The following PTPRD variants were observed in gnomAD, a reference collection of about 807,000 sequenced individuals.
PTPRD encodes the protein receptor-type tyrosine-protein phosphatase delta.
PTPRD carries 34 observed loss-of-function variants against 214.5 expected under a neutral mutation model. That is an observed-to-expected ratio of 0.16 (90% CI 0.12 to 0.21). The LOEUF (loss-of-function observed/expected upper bound fraction) is 0.21, where lower values mean the gene tolerates loss of function less well. Among genes scored for constraint, PTPRD ranks in the 10% least tolerant of loss-of-function variants. The pLI, the probability that PTPRD is intolerant of heterozygous loss-of-function variation, is 1.00. For synonymous variants in PTPRD, 1,128 were observed against 845.7 expected (o/e 1.33, Z -5.79); for missense variants, 2,545 against 2,398.7 (o/e 1.06, Z -1.27).
intron 9 of PTPRD, among the ~76,000 whole-genome samples, chr9:9,196,992 C>T (rs1344433100): frequency 6.6e-6 from 1 of 152,154 alleles, no homozygotes; most frequent in East Asian, 1.9e-4. Context: ...ACTCCCTAAT[C>T]ATGTCTGAGA....
chr9:10,058,529 A>G (rs2097700476), intron 3 of PTPRD, among the ~76,000 whole-genome samples: 1 of 152,012 alleles, frequency 6.6e-6, no homozygotes, highest in Non-Finnish European at 1.5e-5. Context: ...ATTTTGCCTC[A>G]ATTTCTTTCT....
chr9:8,345,005 T>C (rs908049281), intron 39 of PTPRD, among the ~76,000 whole-genome samples: 1 of 151,188 alleles, frequency 6.6e-6, no homozygotes, highest in Non-Finnish European at 1.5e-5. Flanking sequence ...AGCAATGTAA[T>C]GCTGGGAAAA....
chr9:9,231,390 T>A (rs905679550), intron 9 of PTPRD, among the ~76,000 whole-genome samples: 1 of 152,160 alleles, frequency 6.6e-6, no homozygotes, highest in Non-Finnish European at 1.5e-5. Flanking sequence ...GTGTTGTAGA[T>A]TTCAGATATA....
intron 7 of PTPRD, among the ~76,000 whole-genome samples, chr9:9,585,537 C>T (rs376984124): frequency 2.0e-5 from 3 of 151,996 alleles, no homozygotes; most frequent in South Asian, 4.1e-4. Context: ...AAAATTTATC[C>T]TCTTCCTGCT....
At chr9:8,854,686 T>G (rs2097882105) in intron 11 of PTPRD, among the ~76,000 whole-genome samples, 1 of 152,176 alleles carries the variant, frequency 6.6e-6, no homozygotes, top group African/African-American at 2.4e-5. Context: ...ATAGTGCGTC[T>G]TCAGTCCAGG....
At chr9:9,335,702 TC>T in intron 9 of PTPRD, among the ~76,000 whole-genome samples, 1 of 152,198 alleles carries the variant, frequency 6.6e-6, no homozygotes, top group South Asian at 2.1e-4. Flanking sequence ...CCTTTCTCAT[TC>T]ACTTTTGGCC....
rs371177533 is a variant in PTPRD, at chr9:8,373,888, A to G, written c.4661+2048T>C. On this transcript the variant is annotated intron_variant, in intron 39 of 45. Coordinates refer to ENST00000381196, the MANE Select transcript of PTPRD (RefSeq NM_002839.4). ...TGTCTATCTATCTATCTATCTATCT[A>G]TCTATCTATCTATCTATCTATCTAT... is the stretch of plus-strand genomic sequence containing the variant. Among the ~76,000 whole-genome samples, 619 of 107,132 alleles carry G rather than the reference A, an allele frequency of 5.8e-3. 7 individuals are homozygous for G. Among genetic ancestry groups the G allele is most frequent in the African/African-American group, 0.039 (562 of 14,540 alleles). The allele number at this position is 107,132 out of a possible 152,430, so 70.3% of individuals were successfully genotyped here.
intron 2 of PTPRD, among the ~76,000 whole-genome samples, chr9:10,491,369 CAAGT>C (rs1388839477): frequency 1.3e-5 from 2 of 151,990 alleles, no homozygotes; most frequent in African/African-American, 4.8e-5. Flanking sequence ...ATTCTAATGT[CAAGT>C]AAGACATAAG....
At chr9:9,397,787 C>G (rs1177178896) in intron 8 of PTPRD, among the ~76,000 whole-genome samples, 2 of 151,912 alleles carry the variant, frequency 1.3e-5, no homozygotes, top group Non-Finnish European at 2.9e-5. Context: ...GGCAAAAATA[C>G]AGAGTCATCT....
chr9:8,682,589 T>C (rs2097572004), intron 12 of PTPRD, among the ~76,000 whole-genome samples: 1 of 152,248 alleles, frequency 6.6e-6, no homozygotes, highest in African/African-American at 2.4e-5. Flanking sequence ...CCTTAATTTA[T>C]GCCTATGGCA....
chr9:10,542,082 T>C (rs559481172), intron 2 of PTPRD, among the ~76,000 whole-genome samples: 2 of 152,282 alleles, frequency 1.3e-5, no homozygotes, highest in Admixed American at 1.3e-4. Context: ...AAATATAGAC[T>C]TTTGTAATTC....
At chr9:9,366,110 C>T (rs938209072) in intron 9 of PTPRD, among the ~76,000 whole-genome samples, 7 of 151,370 alleles carry the variant, frequency 4.6e-5, no homozygotes, top group African/African-American at 1.2e-4. Context: ...CCCTACCTAT[C>T]TAATGAACAC....
At chr9:9,021,739 G>A (rs1348873802) in intron 10 of PTPRD, among the ~76,000 whole-genome samples, 1 of 151,756 alleles carries the variant, frequency 6.6e-6, no homozygotes, top group Non-Finnish European at 1.5e-5. Flanking sequence ...GTGTGTTTGT[G>A]TCTTAATTTT....
intron 8 of PTPRD, among the ~76,000 whole-genome samples, chr9:9,414,342 G>A (rs1183534652): frequency 6.6e-6 from 1 of 152,194 alleles, no homozygotes; most frequent in Non-Finnish European, 1.5e-5. Flanking sequence ...CAATGCTTTT[G>A]AAAGAGGCAA....
chr9:8,431,553 G>T (rs2095055147), intron 35 of PTPRD, among the ~76,000 whole-genome samples: 1 of 152,164 alleles, frequency 6.6e-6, no homozygotes, highest in Non-Finnish European at 1.5e-5. Context: ...TGACTGTGAT[G>T]ATGCCTACTG....
chr9:10,419,902 G>A (rs1370660742), intron 2 of PTPRD, among the ~76,000 whole-genome samples: 44 of 151,608 alleles, frequency 2.9e-4, no homozygotes, highest in Non-Finnish European at 1.5e-5. Flanking sequence ...ATTTGGTTAA[G>A]TTTTGCTTCT....
chr9:9,981,053 A>C (rs2095527150), intron 4 of PTPRD, among the ~76,000 whole-genome samples: 1 of 81,008 alleles, frequency 1.2e-5, no homozygotes, highest in Admixed American at 1.3e-4. Context: ...TTCCTAACAA[A>C]GTTCTCCAAA....
intron 9 of PTPRD, among the ~76,000 whole-genome samples, chr9:9,376,074 T>C (rs1261273341): frequency 8.7e-6 from 1 of 115,388 alleles, no homozygotes; most frequent in South Asian, 2.6e-4. Context: ...AACTTGCTCA[T>C]CATTATTATT....
chr9:8,760,121 G>A lies in PTPRD; in HGVS notation c.-103-26175C>T, dbSNP rs531686881. ...AATTCTTGTGTTTTTGGTAGAGACC[G>A]GGTTTTACCACATTGGCCAGGCTGT... On this transcript the variant is annotated intron_variant, in intron 11 of 45. Transcript: ENST00000381196. 2.3e-3 allele frequency among the ~76,000 whole-genome samples: 353 copies of A among 152,264 alleles called. 1 individual carries two copies. Among genetic ancestry groups the A allele is most frequent in the African/African-American group, 8.2e-3 (340 of 41,550 alleles).
Sources: allele counts gnomAD v4.1 joint callset (sites outside exome capture counted in the v4.1 genomes callset), GRCh38; gene constraint gnomAD v4.1.1; transcripts MANE v1.5; gene names NCBI Gene and HGNC (gene_info 2026-07-23, HGNC 2026-07-21).